Variants in PARS2 observed in about 807,000 individuals in gnomAD.
The protein encoded by PARS2 is prolyl-tRNA synthetase 2, mitochondrial, also known as probable proline--tRNA ligase, mitochondrial.
In PARS2, 20 loss-of-function variants were observed where a neutral mutation model predicts 27.4. That is an observed-to-expected ratio of 0.73 (90% CI 0.51 to 1.06). The LOEUF (loss-of-function observed/expected upper bound fraction) is 1.06, where lower values mean the gene tolerates loss of function less well. PARS2 is among the 50% of genes least tolerant of loss of function. The pLI, the probability that PARS2 is intolerant of heterozygous loss-of-function variation, is 0.00. For synonymous variants in PARS2, 240 were observed against 247.1 expected (o/e 0.97, Z 0.27); for missense variants, 585 against 602.1 (o/e 0.97, Z 0.30).
chr1:54,763,572 TCTC>T (rs1442867815), intron 1 of PARS2, among the ~76,000 whole-genome samples: 30 of 152,194 alleles, frequency 2.0e-4, no homozygotes, highest in Admixed American at 6.5e-4. Flanking sequence ...TTTAAACTCT[TCTC>T]CTCCACGTTT....
Position 54,757,512 on chromosome 1 carries a change from T to C in PARS2, c.*222A>G. On this transcript the variant is annotated 3_prime_UTR_variant, in exon 2 of 2. Coordinates refer to ENST00000371279, the MANE Select transcript of PARS2 (RefSeq NM_152268.4). ...ACAATGGAATACAAAAGGAAAGGTA[T>C]ATGGCGGCATGGCCAGTCTGGAGAA... is the stretch of plus-strand genomic sequence containing the variant. 1 of 505,200 alleles carries C rather than the reference T, an allele frequency of 2.0e-6. No homozygotes were observed. The highest frequency in any genetic ancestry group is 3.5e-6 in the Non-Finnish European group (1 of 285,792). The allele number at this position is 505,200 out of a possible 1,614,324, so 31.3% of individuals were successfully genotyped here. A position where few individuals can be genotyped will look rare whatever the true frequency, so the allele number is the denominator to read the frequency against.
chr1:54,761,391 G>A (rs994577365), intron 1 of PARS2, among the ~76,000 whole-genome samples: 1 of 152,216 alleles, frequency 6.6e-6, no homozygotes, highest in Non-Finnish European at 1.5e-5. Context: ...CAATAGGCAA[G>A]TATGTTTCTC....
intron 1 of PARS2, among the ~76,000 whole-genome samples, chr1:54,764,149 T>C (rs1331881295): frequency 6.6e-6 from 1 of 152,122 alleles, no homozygotes; most frequent in African/African-American, 2.4e-5. Flanking sequence ...TTCTCCAACA[T>C]AAAACGGGAA....
Position 54,757,920 on chromosome 1 carries a change from G to T in PARS2, c.1242C>A (p.Thr414=), listed in dbSNP as rs201039511. ...TCAGTCTGTTTCCGATGGTCAGATG[G>T]GTCCTGTCGTCCAGGAGCACCTCCC... ...LHGEVLLDDR[T]HLTIGNRLKD... The change falls in exon 2 of 2, where the codon ACC becomes ACA. Residue 414 remains threonine, a synonymous_variant. Coordinates refer to ENST00000371279, the MANE Select transcript of PARS2 (RefSeq NM_152268.4). The T allele has an allele frequency of 4.3e-6, 7 of 1,614,016 alleles. No individual in the cohort carries two copies. Among genetic ancestry groups the T allele is most frequent in the South Asian group, 1.1e-5 (1 of 91,078 alleles).
chr1:54,757,848 C>T lies in PARS2; in HGVS notation c.1314G>A (p.Lys438=). 6.2e-7 allele frequency: 1 copy of T among 1,614,168 alleles called. No homozygotes were observed. Among genetic ancestry groups the T allele is most frequent in the African/African-American group, 1.3e-5 (1 of 75,052 alleles). Residue 438 remains lysine (K), a synonymous_variant, in exon 2 of 2, where the codon AAG becomes AAA. Transcript: ENST00000371279. The part of the protein sequence containing the change: ...FGYPFVIIAG[K]RALEDPAHFE... Reference sequence around the variant, plus strand: ...AATGTGCAGGGTCCTCCAGGGCCCTCTTGCCAGCGATTATCACAAAGGGGT... The same window carrying T: ...AATGTGCAGGGTCCTCCAGGGCCCTTTTGCCAGCGATTATCACAAAGGGGT...
At chr1:54,760,784 C>T (rs946351970) in intron 1 of PARS2, among the ~76,000 whole-genome samples, 2 of 147,134 alleles carry the variant, frequency 1.4e-5, no homozygotes, top group African/African-American at 5.0e-5. Flanking sequence ...CACGCCCACT[C>T]TTTTTTTTTT....
chr1:54,758,373 C>T lies in PARS2; in HGVS notation c.789G>A (p.Val263=), dbSNP rs1363200012. Reference sequence around the variant, plus strand: ...TGGCAAGCCGGTCCTCTCCAATATCCACTGGGAGCTGGAACTCATGAGACA... The same window carrying T: ...TGGCAAGCCGGTCCTCTCCAATATCTACTGGGAGCTGGAACTCATGAGACA... ...GTVSHEFQLP[V]DIGEDRLAIC... is the part of the protein sequence containing the mutation. Residue 263 remains valine (V), a synonymous_variant, in exon 2 of 2, where the codon GTG becomes GTA. Transcript: ENST00000371279. 1.2e-6 allele frequency: 2 copies of T among 1,614,068 alleles called. No homozygotes were observed. Among genetic ancestry groups the T allele is most frequent in the African/African-American group, 2.7e-5 (2 of 74,916 alleles).
rs1385319693 is a variant in PARS2 at position 54,758,170 on chromosome 1, T to A, written c.992A>T (p.Lys331Ile). ...GCACCCCATTTCAGCCAGGGTTGGT[T>A]TGCCACAGACATTGGTAAACTGGGC... is the stretch of plus-strand genomic sequence containing the variant. ...FNAQFTNVCGKPTLAEMGCYG... is the reference protein window; with the variant it reads ...FNAQFTNVCGIPTLAEMGCYG... Residue 331 changes from lysine to isoleucine, a missense_variant, in exon 2 of 2, where the codon AAA (lysine) becomes ATA (isoleucine). By Grantham distance (102) the Lys-to-Ile change is moderately radical. Coordinates refer to ENST00000371279, the MANE Select transcript of PARS2 (RefSeq NM_152268.4). 6.2e-7 allele frequency: 1 copy of A among 1,614,238 alleles called. No homozygotes were observed. Among genetic ancestry groups the A allele is most frequent in the East Asian group, 2.2e-5 (1 of 44,882 alleles).
intron 1 of PARS2, among the ~76,000 whole-genome samples, chr1:54,760,426 T>C (rs1021242267): frequency 6.6e-6 from 1 of 152,196 alleles, no homozygotes; most frequent in Admixed American, 6.5e-5. Context: ...CACAGCCCTC[T>C]TGGCCCTGTC....
rs538373098 is a variant in PARS2 at position 54,758,747 on chromosome 1, T to C, written c.415A>G (p.Lys139Glu). ...CTGTCTCTAAGTCTTAGCAGCTCTT[T>C]GCCCATCAAGTCCCACCGGTTGGTG... The part of the protein sequence containing the change: ...QATNRWDLMG[K>E]ELLRLRDRHG... The change falls in exon 2 of 2, where the codon AAA becomes GAA. Residue 139 changes from lysine to glutamate, a missense_variant. Lys to Glu is a moderately conservative substitution (Grantham distance 56, BLOSUM62 1). Coordinates refer to ENST00000371279, the MANE Select transcript of PARS2 (RefSeq NM_152268.4). The C allele has an allele frequency of 5.0e-6, 8 of 1,614,144 alleles. No individual in the cohort carries two copies. The South Asian group carries it at 5.5e-5, about 11-fold the overall frequency.
chr1:54,759,144 T>C lies in PARS2; in HGVS notation c.18A>G (p.Thr6=). 1.3e-6 allele frequency: 2 copies of C among 1,593,286 alleles called. No individual in the cohort carries two copies. Among genetic ancestry groups the C allele is most frequent in the African/African-American group, 2.7e-5 (2 of 74,576 alleles). MEGLL[T]RCRALPALAT... is the part of the protein sequence containing the mutation. ...CCAGGGCGGGCAATGCTCTGCATCT[T>C]GTCAGCAGCCCTTCCATGACACCCT... The change falls in exon 2 of 2, where the codon ACA becomes ACG. Residue 6 remains threonine (T), a synonymous_variant. Coordinates refer to ENST00000371279, the MANE Select transcript of PARS2 (RefSeq NM_152268.4).
intron 1 of PARS2, among the ~76,000 whole-genome samples, chr1:54,761,588 A>G (rs1646157590): frequency 6.6e-6 from 1 of 152,178 alleles, no homozygotes; most frequent in South Asian, 2.1e-4. Flanking sequence ...TTCTTTTGAG[A>G]CTTTTTATTT....
Position 54,758,275 on chromosome 1 carries a change from T to C in PARS2, c.887A>G (p.Gln296Arg), listed in dbSNP as rs754046276. Reference protein sequence around the residue: ...DLSQMNCPACQGPLTKTKGIE... With the variant: ...DLSQMNCPACRGPLTKTKGIE... ...GCCTTTGGTTTTAGTCAATGGGCCC[T>C]GGCAAGCAGGGCAGTTCATTTGTGA... The change falls in exon 2 of 2, where the codon CAG (glutamine) becomes CGG (arginine). Residue 296 changes from glutamine (Q) to arginine (R), a missense_variant. Physicochemically the swap from Gln to Arg is conservative, Grantham distance 43. Transcript: ENST00000371279. 100 of 1,614,100 alleles carry C rather than the reference T, an allele frequency of 6.2e-5. No individual in the cohort carries two copies. Among genetic ancestry groups the C allele is most frequent in the Admixed American group, 1.7e-5 (1 of 60,008 alleles).
chr1:54,763,605 C>A (rs1446688583), intron 1 of PARS2, among the ~76,000 whole-genome samples: 2 of 152,136 alleles, frequency 1.3e-5, no homozygotes, highest in Non-Finnish European at 2.9e-5. Context: ...GTCCTCAGAC[C>A]CCTCAGCTTA....
In PARS2 at chr1:54,757,745, G is replaced by A. The variant is rs1348212933; in HGVS notation, c.1417C>T (p.Gln473Ter). The A allele has an allele frequency of 2.5e-6, 4 of 1,607,612 alleles. No individual in the cohort carries two copies. In the African/African-American group the frequency reaches 5.3e-5, roughly 21 times the overall value. The change falls in exon 2 of 2, where the codon CAG becomes TAG. Residue 473 changes from glutamine to a stop codon, truncating the protein, a stop_gained. Transcript: ENST00000371279. LOFTEE classifies it high-confidence loss of function. ...DGVMDLLTPVQTV is the reference protein window; with the variant it reads ...DGVMDLLTPV ...TGGGCTGGGGGCATTTAGACAGTCT[G>A]CACTGGGGTCAGTAAATCCATGACT...
At chr1:54,763,097 T>C (rs1256345829) in intron 1 of PARS2, among the ~76,000 whole-genome samples, 1 of 152,212 alleles carries the variant, frequency 6.6e-6, no homozygotes, top group Admixed American at 6.5e-5. Flanking sequence ...CTCATTATTC[T>C]TGAAACAGAC....
chr1:54,757,820 C>T lies in PARS2; in HGVS notation c.1342G>A (p.Glu448Lys). The change falls in exon 2 of 2, where the codon GAG becomes AAG. Residue 448 changes from glutamate to lysine, a missense_variant. Physicochemically the swap from Glu to Lys is moderately conservative, Grantham distance 56 (BLOSUM62 1). Coordinates refer to ENST00000371279, the MANE Select transcript of PARS2 (RefSeq NM_152268.4). ...KRALEDPAHFEVWCQNTGEVA... is the reference protein window; with the variant it reads ...KRALEDPAHFKVWCQNTGEVA... The stretch of plus-strand genomic sequence containing the variant: ...TCACCAGTGTTCTGACACCAAACCT[C>T]AAAATGTGCAGGGTCCTCCAGGGCC... The T allele has an allele frequency of 6.2e-7, 1 of 1,614,174 alleles. No individual in the cohort carries two copies. Among genetic ancestry groups the T allele is most frequent in the Non-Finnish European group, 8.5e-7 (1 of 1,180,032 alleles).
chr1:54,762,136 GTTTTTTTTTT>G (rs35646933), intron 1 of PARS2, among the ~76,000 whole-genome samples: 1 of 128,682 alleles, frequency 7.8e-6, no homozygotes, highest in Non-Finnish European at 1.7e-5. Context: ...TGGAGGGCTT[GTTTTTTTTTT>G]TTTTTTTTTA....
At position 54,758,310 on chromosome 1, in the gene PARS2, T is replaced by C. The variant is rs1206365541; in HGVS notation, c.852A>G (p.Thr284=). ...PRCSFSANME[T]LDLSQMNCPA... The stretch of plus-strand genomic sequence containing the variant: ...GGCAGTTCATTTGTGACAAGTCTAG[T>C]GTCTCCATGTTGGCTGAGAAGCTGC... The change falls in exon 2 of 2, where the codon ACA becomes ACG. Residue 284 remains threonine (T), a synonymous_variant. Transcript: ENST00000371279. The C allele has an allele frequency of 1.2e-6, 2 of 1,614,238 alleles. No homozygotes were observed. Among genetic ancestry groups the C allele is most frequent in the Admixed American group, 1.7e-5 (1 of 60,032 alleles).
Sources: allele counts gnomAD v4.1 joint callset (sites outside exome capture counted in the v4.1 genomes callset), GRCh38; gene constraint gnomAD v4.1.1; transcripts MANE v1.5; gene names NCBI Gene and HGNC (gene_info 2026-07-23, HGNC 2026-07-21).